Variants in KCMF1 observed in about 807,000 individuals in gnomAD.
KCMF1 encodes potassium channel modulatory factor 1.
KCMF1 carries 3 observed loss-of-function variants against 41.1 expected under a neutral mutation model. That is an observed-to-expected ratio of 0.07 (90% CI 0.03 to 0.19). The LOEUF (loss-of-function observed/expected upper bound fraction) is 0.19, where lower values mean the gene tolerates loss of function less well. KCMF1 is among the 10% of genes least tolerant of loss of function. The pLI is 1.00. For synonymous variants in KCMF1, 142 were observed against 164.5 expected (o/e 0.86, Z 1.04); for missense variants, 286 against 488.9 (o/e 0.58, Z 3.91).
intron 1 of KCMF1, among the ~76,000 whole-genome samples, chr2:85,008,062 C>A (rs973840735): frequency 6.6e-6 from 1 of 151,718 alleles, no homozygotes; most frequent in South Asian, 2.1e-4. Flanking sequence ...CGTGCCCAGC[C>A]GCTAGTTGTG....
Position 85,054,661 on chromosome 2 carries a change from C to T in KCMF1, c.*1252C>T, listed in dbSNP as rs1383466927. ...ATAGACTTTCACAATAGCTCCAAGGCAGGGACAGCGGGTTTGGGGGTTGGG... is the reference window on the plus strand; with the variant it reads ...ATAGACTTTCACAATAGCTCCAAGGTAGGGACAGCGGGTTTGGGGGTTGGG... On this transcript the variant is annotated 3_prime_UTR_variant, in exon 7 of 7. Transcript: ENST00000409785. 6.6e-6 allele frequency: 1 copy of T among 152,088 alleles called. No homozygotes were observed. Among genetic ancestry groups the T allele is most frequent in the East Asian group, 1.9e-4 (1 of 5,204 alleles). The allele number at this position is 152,088 out of a possible 1,614,324, so 9.4% of individuals were successfully genotyped here.
chr2:85,051,190 C>T (rs1675799808), intron 6 of KCMF1, among the ~76,000 whole-genome samples: 1 of 152,170 alleles, frequency 6.6e-6, no homozygotes, highest in Non-Finnish European at 1.5e-5. Flanking sequence ...CTGGTTATTA[C>T]CAGATAATGC....
chr2:84,971,580 C>G, intron 1 of KCMF1, 113 bp downstream of exon 1: 1 of 493,744 alleles, frequency 2.0e-6, no homozygotes, highest in Non-Finnish European at 2.8e-6. Context: ...CGAGCCCGAG[C>G]CGGGCCCGAG....
intron 1 of KCMF1, among the ~76,000 whole-genome samples, chr2:85,005,278 T>G: frequency 6.6e-6 from 1 of 151,548 alleles, no homozygotes; most frequent in Non-Finnish European, 1.5e-5. Flanking sequence ...GATATTTTGC[T>G]TTTTTATTTA....
At chr2:85,008,883 A>C (rs1447938507) in intron 1 of KCMF1, among the ~76,000 whole-genome samples, 1 of 150,556 alleles carries the variant, frequency 6.6e-6, no homozygotes, top group Non-Finnish European at 1.5e-5. Context: ...TCCCCCGCTC[A>C]GTCTCTCAAA....
At chr2:85,008,291 T>TATATATCATATATAATATGATATATC (rs1553379311) in intron 1 of KCMF1, among the ~76,000 whole-genome samples, 7 of 14,624 alleles carry the variant, frequency 4.8e-4, no homozygotes, top group Non-Finnish European at 1.2e-3. Flanking sequence ...TGATATATAA[T>TATATATCATATATAATATGATATATC]ATATATAATA....
intron 5 of KCMF1, 85 bp from the exon 6 acceptor site, chr2:85,049,281 T>C: frequency 7.4e-7 from 1 of 1,359,954 alleles, no homozygotes; most frequent in Non-Finnish European, 1.0e-6. Context: ...ATGCTTTTGA[T>C]GTTGTTCCAG....
At chr2:85,048,842 G>A (rs1675734266) in intron 5 of KCMF1, among the ~76,000 whole-genome samples, 1 of 152,198 alleles carries the variant, frequency 6.6e-6, no homozygotes, top group South Asian at 2.1e-4. Context: ...AGAAAGCAGA[G>A]GCAGAGAGTG....
intron 1 of KCMF1, among the ~76,000 whole-genome samples, chr2:85,022,023 G>A (rs1022438875): frequency 6.6e-6 from 1 of 151,786 alleles, no homozygotes; most frequent in African/African-American, 2.4e-5. Context: ...CACCATGTTG[G>A]TCAGGCTGGT....
At chr2:85,002,056 C>T (rs564924465) in intron 1 of KCMF1, among the ~76,000 whole-genome samples, 44 of 152,246 alleles carry the variant, frequency 2.9e-4, no homozygotes, top group African/African-American at 3.9e-4. Context: ...CTTCATTGAC[C>T]TAACCATGGT....
intron 4 of KCMF1, among the ~76,000 whole-genome samples, chr2:85,045,299 A>C (rs941334934): frequency 6.6e-6 from 1 of 152,024 alleles, no homozygotes; most frequent in African/African-American, 2.4e-5. Context: ...TATAAATATG[A>C]TCATATCACT....
At position 85,057,831 on chromosome 2, in the gene KCMF1, C is replaced by T. The variant is rs970870354; in HGVS notation, c.*4422C>T. The T allele has an allele frequency of 6.6e-6, 1 of 152,176 alleles. No individual in the cohort carries two copies. Among genetic ancestry groups the T allele is most frequent in the African/African-American group, 2.4e-5 (1 of 41,440 alleles). 9.4% of individuals were successfully genotyped at this position (152,176 alleles called of 1,614,324 possible). On this transcript the variant is annotated 3_prime_UTR_variant, in exon 7 of 7. Transcript: ENST00000409785. ...CAAATTCAAGTTTTGAAAGACGATT[C>T]GTCTCAGAGAAGTTGATCCTGAACC...
At chr2:84,982,345 A>G (rs550820317) in intron 1 of KCMF1, among the ~76,000 whole-genome samples, 1 of 146,212 alleles carries the variant, frequency 6.8e-6, no homozygotes, top group African/African-American at 2.6e-5. Context: ...GAAGTAGAGC[A>G]GGCAGGGATT....
chr2:85,024,045 A>G (rs189757443), intron 1 of KCMF1, among the ~76,000 whole-genome samples: 29 of 152,226 alleles, frequency 1.9e-4, no homozygotes, highest in African/African-American at 5.5e-4. Context: ...CCATTTTTCT[A>G]CTAAGCATTC....
chr2:85,035,009 T>A lies in KCMF1; in HGVS notation c.185-7T>A. 6.3e-7 allele frequency: 1 copy of A among 1,599,630 alleles called. No individual in the cohort carries two copies. Among genetic ancestry groups the A allele is most frequent in the Non-Finnish European group, 8.5e-7 (1 of 1,171,932 alleles). ...ATTCCTCAATGCAATTCTACCTTAT[T>A]TTTCAGATTTATACTATGGTGGGGA... On this transcript the variant is annotated splice_polypyrimidine_tract_variant and splice_region_variant and intron_variant, in intron 2 of 6. Coordinates refer to ENST00000409785, the MANE Select transcript of KCMF1 (RefSeq NM_020122.5).
At chr2:84,997,936 T>C (rs1205255449) in intron 1 of KCMF1, among the ~76,000 whole-genome samples, 1 of 145,956 alleles carries the variant, frequency 6.9e-6, no homozygotes, top group African/African-American at 2.5e-5. Flanking sequence ...CACCCAGCTA[T>C]TGTTTTTTGT....
chr2:85,021,400 G>C (rs1674934982), intron 1 of KCMF1, among the ~76,000 whole-genome samples: 1 of 152,242 alleles, frequency 6.6e-6, no homozygotes, highest in African/African-American at 2.4e-5. Flanking sequence ...AAGGCGGGCG[G>C]ATCACGAGGT....
At chr2:85,000,057 AAAAT>A (rs1480876172) in intron 1 of KCMF1, among the ~76,000 whole-genome samples, 3 of 152,350 alleles carry the variant, frequency 2.0e-5, no homozygotes, top group East Asian at 1.9e-4. Context: ...TAGCAACCTC[AAAAT>A]AAATAAGTTC....
chr2:84,986,092 C>T (rs75335553), intron 1 of KCMF1, among the ~76,000 whole-genome samples: 2,336 of 152,236 alleles, frequency 0.015, 31 homozygotes, highest in South Asian at 0.063. Context: ...TGGATTGTCA[C>T]CTCCTATTGA....
Sources: gnomAD v4.1 joint callset for allele counts (sites outside exome capture counted in the v4.1 genomes callset) on GRCh38, gnomAD v4.1.1 for gene constraint, MANE v1.5 for transcripts, NCBI Gene and HGNC (gene_info 2026-07-23, HGNC 2026-07-21) for gene names.